EIF2B3: variants seen among roughly 807,000 people sequenced by gnomAD.
EIF2B3 encodes translation initiation factor eIF2B subunit gamma.
A neutral mutation model predicts 54.1 loss-of-function variants in EIF2B3; 20 were observed. That is an observed-to-expected ratio of 0.37 (90% confidence interval 0.26 to 0.54). The LOEUF (loss-of-function observed/expected upper bound fraction) is 0.54. EIF2B3 is among the 20% of genes least tolerant of loss of function. The probability of loss-of-function intolerance (pLI) is 0.86; values close to 1 mark genes in which losing one functional copy is unlikely to be tolerated. For missense variants in EIF2B3, 448 were observed against 547.8 expected, an observed-to-expected ratio of 0.82 and a Z score of 1.82; for synonymous variants, 153 against 188.1, an observed-to-expected ratio of 0.81 and a Z score of 1.52.
chr1:44,971,389 A>T (rs187550319), intron 3 of EIF2B3, among the ~76,000 whole-genome samples: 9,478 of 151,452 alleles, frequency 0.063, 1,046 homozygotes, highest in African/African-American at 0.22. Context: ...AAAAAAAAAA[A>T]ATCAAAGTCA....
At chr1:44,910,339 A>G (rs1643486777) in intron 5 of EIF2B3, among the ~76,000 whole-genome samples, 1 of 152,210 alleles carries the variant, frequency 6.6e-6, no homozygotes, top group African/African-American at 2.4e-5. Context: ...ACTAGACTGC[A>G]AATTCTCTGA....
intron 10 of EIF2B3, among the ~76,000 whole-genome samples, chr1:44,858,959 AC>A (rs1654524502): frequency 6.6e-6 from 1 of 152,174 alleles, no homozygotes; most frequent in Non-Finnish European, 1.5e-5. Flanking sequence ...TAAAGCATAC[AC>A]CAAGAGCAGC....
intron 4 of EIF2B3, among the ~76,000 whole-genome samples, chr1:44,937,990 G>A (rs943275845): frequency 1.7e-4 from 24 of 137,532 alleles, no homozygotes; most frequent in African/African-American, 6.3e-4. Flanking sequence ...CTTAGTATCA[G>A]TATCTCCTAT....
chr1:44,930,361 T>C (rs1376693500), intron 4 of EIF2B3, among the ~76,000 whole-genome samples: 2 of 152,196 alleles, frequency 1.3e-5, no homozygotes, highest in Non-Finnish European at 2.9e-5. Context: ...TTAAAAAGGG[T>C]CACAAACTTG....
chr1:44,973,160 C>A (rs1644419385), intron 3 of EIF2B3, among the ~76,000 whole-genome samples: 1 of 152,172 alleles, frequency 6.6e-6, no homozygotes, highest in South Asian at 2.1e-4. Flanking sequence ...AAAAATTAAA[C>A]ACAGAAATAG....
In EIF2B3 at chr1:44,879,846, A is replaced by G. The variant is rs1655328637; in HGVS notation, c.947T>C (p.Leu316Pro). The change falls in exon 8 of 12, where the codon CTG becomes CCG. Residue 316 changes from leucine to proline, a missense_variant. Coordinates refer to ENST00000360403, the MANE Select transcript of EIF2B3 (RefSeq NM_020365.5). ...TCTGTTTGCTTCCATGTAGAGTCCC[A>G]GTGTGCTCACTCGAGAGCAGAGCCC... The part of the protein sequence containing the change: ...KEGLCSRVST[L>P]GLYMEANRQV... The G allele has an allele frequency of 1.2e-6, 2 of 1,614,112 alleles. No homozygotes were observed. The highest frequency in any genetic ancestry group is 1.7e-6 in the Non-Finnish European group (2 of 1,180,038).
intron 10 of EIF2B3, among the ~76,000 whole-genome samples, chr1:44,869,887 C>T (rs981643228): frequency 6.6e-6 from 1 of 151,864 alleles, no homozygotes; most frequent in Admixed American, 6.6e-5. Flanking sequence ...ATATAGAAGA[C>T]GAAGAATGAT....
intron 3 of EIF2B3, among the ~76,000 whole-genome samples, chr1:44,976,345 G>T (rs1206164814): frequency 1.3e-5 from 2 of 152,094 alleles, no homozygotes; most frequent in Non-Finnish European, 1.5e-5. Flanking sequence ...CACATGAAAA[G>T]GTGTTCAGCA....
At chr1:44,973,492 G>A (rs61790633) in intron 3 of EIF2B3, among the ~76,000 whole-genome samples, 3,286 of 152,266 alleles carry the variant, frequency 0.022, 32 homozygotes, top group Non-Finnish European at 0.031. Context: ...GAGGCCAGAC[G>A]TTCGAGACTA....
At chr1:44,853,132 A>T (rs951141570) in intron 11 of EIF2B3, among the ~76,000 whole-genome samples, 6 of 152,124 alleles carry the variant, frequency 3.9e-5, no homozygotes, top group Non-Finnish European at 8.8e-5. Flanking sequence ...CTGATCAATG[A>T]TGCGGTGAAA....
intron 2 of EIF2B3, among the ~76,000 whole-genome samples, chr1:44,979,099 C>T (rs1281930784): frequency 6.7e-6 from 1 of 149,294 alleles, no homozygotes; most frequent in South Asian, 2.2e-4. Context: ...CCAGCCTGGG[C>T]AACATGGCAA....
intron 1 of EIF2B3, among the ~76,000 whole-genome samples, chr1:44,986,147 T>C (rs1435193884): frequency 6.6e-6 from 1 of 151,270 alleles, no homozygotes; most frequent in African/African-American, 2.4e-5. Flanking sequence ...TCTTTTTTTT[T>C]TTTTTTTTGA....
intron 3 of EIF2B3, among the ~76,000 whole-genome samples, chr1:44,966,455 AAG>A (rs1644342341): frequency 1.3e-5 from 2 of 148,674 alleles, no homozygotes; most frequent in Non-Finnish European, 1.5e-5. Context: ...AAAAAAAAAA[AAG>A]AAGAAGAAGA....
rs190198351 is a variant in EIF2B3 at position 44,880,301 on chromosome 1, T to C, written c.785-293A>G. Among the ~76,000 whole-genome samples, 1,149 of 152,228 alleles carry C rather than the reference T, an allele frequency of 7.5e-3. 6 individuals carry two copies. The highest frequency in any genetic ancestry group is 0.013 in the Non-Finnish European group (862 of 68,008). The stretch of plus-strand genomic sequence containing the variant: ...GAACCCTGAGGAAATCCCACTAAAA[T>C]CTGTAAGAGAAAGTCAAACTAAAAG... On this transcript the variant is annotated intron_variant, in intron 7 of 11. Transcript: ENST00000360403.
chr1:44,895,234 T>C (rs1655929617), intron 6 of EIF2B3, among the ~76,000 whole-genome samples: 1 of 152,120 alleles, frequency 6.6e-6, no homozygotes, highest in South Asian at 2.1e-4. Flanking sequence ...TGGCAGAGCT[T>C]CTGGCCAGGA....
At chr1:44,977,022 T>A (rs1239221651) in intron 3 of EIF2B3, among the ~76,000 whole-genome samples, 1 of 152,122 alleles carries the variant, frequency 6.6e-6, no homozygotes, top group Non-Finnish European at 1.5e-5. Context: ...ATAAAAGGGG[T>A]GGGAAAGCCA....
At chr1:44,943,644 G>A (rs751545519) in intron 3 of EIF2B3, among the ~76,000 whole-genome samples, 1 of 149,736 alleles carries the variant, frequency 6.7e-6, no homozygotes, top group East Asian at 2.1e-4. Context: ...GGCTGGACTC[G>A]AACTCCTGGA....
chr1:44,951,311 A>G (rs1339588372), intron 3 of EIF2B3, among the ~76,000 whole-genome samples: 1 of 152,192 alleles, frequency 6.6e-6, no homozygotes, highest in Non-Finnish European at 1.5e-5. Flanking sequence ...CCTGACCTCA[A>G]AAAGCTTACA....
rs767779243 is a variant in EIF2B3 at position 44,881,638 on chromosome 1, A to T, written c.758T>A (p.Leu253Gln). The change falls in exon 7 of 12, where the codon CTA (leucine) becomes CAA (glutamine). Residue 253 changes from leucine to glutamine, a missense_variant. By Grantham distance (113) the Leu-to-Gln change is moderately radical. This residue lies in a region of EIF2B3 where 350 missense variants were observed against 414.2 expected (regional missense o/e 0.85). Coordinates refer to ENST00000360403, the MANE Select transcript of EIF2B3 (RefSeq NM_020365.5). The surrounding 1 kb of genome is among the most constrained non-coding windows in gnomAD (Gnocchi z 4.0). ...TAAGGACTTCAGCTCCTTTTTCTTT[A>T]GATCCTCCTCTTTTTCTTCTTGTCC... ...QQGQEEKEED[L>Q]KKKELKSLDI... The T allele has an allele frequency of 1.2e-6, 2 of 1,614,144 alleles. No homozygotes were observed. Among genetic ancestry groups the T allele is most frequent in the South Asian group, 2.2e-5 (2 of 91,086 alleles).
Sources: gnomAD v4.1 joint callset for allele counts (sites outside exome capture counted in the v4.1 genomes callset) on GRCh38, gnomAD v4.1.1 for gene constraint, gnomAD v4.1.1 regional missense constraint, Gnocchi (gnomAD v3.1) non-coding constraint, MANE v1.5 for transcripts, NCBI Gene and HGNC (gene_info 2026-07-23, HGNC 2026-07-21) for gene names.